Variants in IGF2BP2 observed in about 807,000 individuals in gnomAD.
The protein encoded by IGF2BP2 is insulin like growth factor 2 mRNA binding protein 2, also known as insulin-like growth factor 2 mRNA-binding protein 2.
Under a neutral mutation model 75.8 loss-of-function variants are expected in IGF2BP2, and 17 were observed. That is an observed-to-expected ratio of 0.22 (90% CI 0.15 to 0.34). The LOEUF (loss-of-function observed/expected upper bound fraction) is 0.34, where lower values mean the gene tolerates loss of function less well. IGF2BP2 is among the 10% of genes least tolerant of loss of function. The probability of loss-of-function intolerance (pLI) is 1.00; values close to 1 mark genes in which losing one functional copy is unlikely to be tolerated. For missense variants in IGF2BP2, 516 were observed against 772.4 expected (o/e 0.67, Z 3.93); for synonymous variants, 288 against 295.6 (o/e 0.97, Z 0.26).
At chr3:185,666,574 A>G (rs1157894428) in intron 10 of IGF2BP2, among the ~76,000 whole-genome samples, 2 of 152,168 alleles carry the variant, frequency 1.3e-5, no homozygotes, top group Non-Finnish European at 2.9e-5. Context: ...GGTTACAGTG[A>G]GCCGAGATTG....
chr3:185,810,736 T>C (rs1430674804), intron 2 of IGF2BP2, among the ~76,000 whole-genome samples: 4 of 149,952 alleles, frequency 2.7e-5, no homozygotes, highest in East Asian at 2.0e-4. Flanking sequence ...ATCGTGCCAC[T>C]GCACTCCAGC....
intron 2 of IGF2BP2, among the ~76,000 whole-genome samples, chr3:185,788,833 C>T (rs946840377): frequency 1.3e-5 from 2 of 151,926 alleles, no homozygotes; most frequent in Admixed American, 6.6e-5. Flanking sequence ...CTGCCTCAGC[C>T]TCCCGAGTAG....
intron 2 of IGF2BP2, among the ~76,000 whole-genome samples, chr3:185,776,180 G>C (rs1327358691): frequency 6.6e-6 from 1 of 152,194 alleles, no homozygotes; most frequent in Non-Finnish European, 1.5e-5. Flanking sequence ...AGGAATTCAA[G>C]GCTGTAGTAA....
At position 185,785,416 on chromosome 3, in the gene IGF2BP2, T is replaced by TC. The variant is rs1553889136; in HGVS notation, c.239+37736_239+37737insG. ...ATTTTACTGTGTCAATAACGAGTGT[T>TC]AAAAAAAAAAAAAATGGAATTCTGG... On this transcript the variant is annotated intron_variant, in intron 2 of 15. Coordinates refer to ENST00000382199, the MANE Select transcript of IGF2BP2 (RefSeq NM_006548.6). 2.1e-3 allele frequency among the ~76,000 whole-genome samples: 309 copies of TC among 143,740 alleles called. 2 individuals carry two copies. The highest frequency in any genetic ancestry group is 3.6e-3 in the Non-Finnish European group (234 of 65,314). The allele number at this position is 143,740 out of a possible 152,430, so 94.3% of individuals were successfully genotyped here.
At chr3:185,675,214 C>T (rs1160433000) in intron 9 of IGF2BP2, 82 bp downstream of exon 9, 2 of 1,440,018 alleles carry the variant, frequency 1.4e-6, no homozygotes, top group East Asian at 4.7e-5. Context: ...CATACCTATC[C>T]TAAGGCACTT....
intron 15 of IGF2BP2, chr3:185,646,791 C>T (rs1713637413): frequency 1.8e-6 from 1 of 549,474 alleles, no homozygotes; most frequent in Non-Finnish European, 3.3e-6. Context: ...CTTAACTCTT[C>T]ACTCTTCCCC....
chr3:185,668,840 A>G (rs372572904), intron 10 of IGF2BP2, among the ~76,000 whole-genome samples: 2 of 152,146 alleles, frequency 1.3e-5, no homozygotes, highest in East Asian at 3.8e-4. Context: ...TTTTAACTTA[A>G]TTACCGTTAT....
intron 2 of IGF2BP2, among the ~76,000 whole-genome samples, chr3:185,809,068 T>C (rs1163318693): frequency 6.6e-6 from 1 of 152,138 alleles, no homozygotes; most frequent in Non-Finnish European, 1.5e-5. Flanking sequence ...CCTATTATAT[T>C]GCAATAAGCG....
intron 1 of IGF2BP2, among the ~76,000 whole-genome samples, chr3:185,823,597 C>T (rs1741644097): frequency 6.6e-6 from 1 of 152,024 alleles, no homozygotes; most frequent in African/African-American, 2.4e-5. Flanking sequence ...GGCCCGAAGG[C>T]TCCACCGGGC....
intron 9 of IGF2BP2, among the ~76,000 whole-genome samples, chr3:185,673,529 G>T (rs1446267207): frequency 6.6e-6 from 1 of 152,052 alleles, no homozygotes; most frequent in African/African-American, 2.4e-5. Context: ...ATTTCTACAT[G>T]GGGATGGTCA....
chr3:185,681,094 C>T (rs1272047827), intron 7 of IGF2BP2, among the ~76,000 whole-genome samples: 1 of 151,768 alleles, frequency 6.6e-6, no homozygotes, highest in Non-Finnish European at 1.5e-5. Flanking sequence ...CTAGCCAGAG[C>T]AATTAGGTAC....
At chr3:185,809,330 T>A (rs1229057449) in intron 2 of IGF2BP2, among the ~76,000 whole-genome samples, 1 of 152,232 alleles carries the variant, frequency 6.6e-6, no homozygotes, top group Non-Finnish European at 1.5e-5. Context: ...TTCCACCAAC[T>A]CTAAAATTTT....
In IGF2BP2 at chr3:185,647,021, G is replaced by C; in HGVS notation, c.1707+4C>G. 1 of 1,606,906 alleles carries C rather than the reference G, an allele frequency of 6.2e-7. No homozygotes were observed. ...GGAGAGACAGGGCCCTCACAGCACAGTACCTGGCTAGCAAAGAAGTGCCCG... is the reference window on the plus strand; with the variant it reads ...GGAGAGACAGGGCCCTCACAGCACACTACCTGGCTAGCAAAGAAGTGCCCG... On this transcript the variant is annotated splice_donor_region_variant and intron_variant, in intron 15 of 15. Transcript: ENST00000382199. The surrounding 1 kb of genome is among the most constrained non-coding windows in gnomAD (Gnocchi z 4.9).
At chr3:185,685,129 C>T (rs952103193) in intron 7 of IGF2BP2, among the ~76,000 whole-genome samples, 12 of 152,110 alleles carry the variant, frequency 7.9e-5, no homozygotes, top group Non-Finnish European at 1.5e-5. Context: ...GGGTGGATCA[C>T]CTGAGGTCAG....
chr3:185,727,217 CAAAAAAA>C (rs11294125), intron 2 of IGF2BP2, among the ~76,000 whole-genome samples: 2 of 106,210 alleles, frequency 1.9e-5, no homozygotes, highest in South Asian at 6.1e-4. Context: ...GACTCCGTCT[CAAAAAAA>C]AAAAAAAAAA....
intron 2 of IGF2BP2, among the ~76,000 whole-genome samples, chr3:185,698,754 G>A (rs112183917): frequency 1.3e-5 from 2 of 151,022 alleles, no homozygotes; most frequent in East Asian, 3.9e-4. Context: ...TCAGCCTCCC[G>A]AATAGCTGGG....
At chr3:185,705,836 CCTTATG>C (rs1723949713) in intron 2 of IGF2BP2, among the ~76,000 whole-genome samples, 1 of 152,130 alleles carries the variant, frequency 6.6e-6, no homozygotes, top group Non-Finnish European at 1.5e-5. Flanking sequence ...GAGGGTTCCA[CCTTATG>C]ATCTAATCAA....
intron 7 of IGF2BP2, among the ~76,000 whole-genome samples, chr3:185,684,796 C>T (rs1180213385): frequency 6.6e-6 from 1 of 151,844 alleles, no homozygotes; most frequent in African/African-American, 2.4e-5. Flanking sequence ...CACTGGACTG[C>T]TCCATCAAAG....
chr3:185,664,723 A>G (rs528594548), intron 10 of IGF2BP2, among the ~76,000 whole-genome samples: 1 of 152,342 alleles, frequency 6.6e-6, no homozygotes, highest in Admixed American at 6.5e-5. Flanking sequence ...TCAATGCACG[A>G]GACTGTTAAA....
Sources: gnomAD v4.1 joint callset for allele counts (sites outside exome capture counted in the v4.1 genomes callset) on GRCh38, gnomAD v4.1.1 for gene constraint, Gnocchi (gnomAD v3.1) non-coding constraint, MANE v1.5 for transcripts, NCBI Gene and HGNC (gene_info 2026-07-23, HGNC 2026-07-21) for gene names.